The following MAST4 variants were observed in gnomAD, a reference collection of about 807,000 sequenced individuals.
MAST4 encodes the protein microtubule-associated serine/threonine-protein kinase 4.
A neutral mutation model predicts 162.7 loss-of-function variants in MAST4; 89 were observed. The observed-to-expected ratio is 0.55, with a 90% CI of 0.46 to 0.65. The LOEUF is 0.65. Ranked by LOEUF, MAST4 falls within the 30% of genes least tolerant of loss-of-function variation. The pLI is 0.00. For synonymous variants in MAST4, 1,479 were observed against 1,361.1 expected (o/e 1.09, Z -1.91); for missense variants, 3,153 against 3,374.0 (o/e 0.93, Z 1.62).
chr5:66,968,517 C>A (rs1747024871), intron 4 of MAST4, among the ~76,000 whole-genome samples: 1 of 152,140 alleles, frequency 6.6e-6, no homozygotes. Context: ...CAAGGACAAC[C>A]ATTTTTGTCT....
rs33962272 is a variant in MAST4 at position 66,684,357 on chromosome 5, A to ATACCAGGAGG, written c.364-75351_364-75350insACCAGGAGGT. 3.7e-3 allele frequency among the ~76,000 whole-genome samples: 564 copies of ATACCAGGAGG among 151,626 alleles called. 5 individuals are homozygous for ATACCAGGAGG. The highest frequency in any genetic ancestry group is 0.013 in the African/African-American group (536 of 41,418). The stretch of plus-strand genomic sequence containing the variant: ...ATGTAGTGCTTCTTTTCTTCCAGCT[A>ATACCAGGAGG]TTTTTTTTTCTCTTTTCTTTTTTAT... On this transcript the variant is annotated intron_variant, in intron 1 of 28. Coordinates refer to ENST00000403625, the MANE Select transcript of MAST4 (RefSeq NM_001164664.2).
At chr5:66,682,012 C>T (rs1019241362) in intron 1 of MAST4, among the ~76,000 whole-genome samples, 5 of 152,106 alleles carry the variant, frequency 3.3e-5, no homozygotes, top group Middle Eastern at 3.2e-3. Context: ...GACAGTCTAT[C>T]GTGTGTGTGT....
intron 1 of MAST4, among the ~76,000 whole-genome samples, chr5:66,685,818 C>A (rs1360223669): frequency 2.0e-5 from 3 of 152,020 alleles, no homozygotes; most frequent in Non-Finnish European, 4.4e-5. Flanking sequence ...GAGCAGTGGT[C>A]CCCAGTCTTT....
intron 1 of MAST4, among the ~76,000 whole-genome samples, chr5:66,614,277 C>T (rs563796543): frequency 3.3e-5 from 5 of 152,348 alleles, no homozygotes; most frequent in African/African-American, 1.2e-4. Flanking sequence ...CAAAGATTCT[C>T]TGTCTCAGTT....
intron 1 of MAST4, among the ~76,000 whole-genome samples, chr5:66,651,443 T>C (rs957817629): frequency 2.0e-5 from 3 of 152,128 alleles, no homozygotes; most frequent in African/African-American, 2.4e-5. Context: ...TTAAGTAGCA[T>C]TGATATCTTC....
chr5:66,699,044 A>C (rs552914829), intron 1 of MAST4, among the ~76,000 whole-genome samples: 53 of 152,308 alleles, frequency 3.5e-4, no homozygotes, highest in African/African-American at 1.2e-3. Context: ...TATTGATAGC[A>C]TCTCAGTACA....
At chr5:66,731,538 G>T (rs1190787155) in intron 1 of MAST4, among the ~76,000 whole-genome samples, 1 of 152,124 alleles carries the variant, frequency 6.6e-6, no homozygotes, top group East Asian at 1.9e-4. Flanking sequence ...ATTCTATTCA[G>T]CTTTTCTATG....
Position 66,714,954 on chromosome 5 carries a change from A to C in MAST4, c.364-44755A>C, listed in dbSNP as rs187033745. Among the ~76,000 whole-genome samples, 9 of 152,320 alleles carry C rather than the reference A, an allele frequency of 5.9e-5. No homozygotes were observed. In the East Asian group the frequency reaches 1.7e-3, roughly 29 times the overall value. On this transcript the variant is annotated intron_variant, in intron 1 of 28. Coordinates refer to ENST00000403625, the MANE Select transcript of MAST4 (RefSeq NM_001164664.2). ...TTGAATCTGTTTCCCCCACCTAAGG[A>C]CAGACCTCTGGCAGACTGGTCTTTG...
At chr5:66,627,936 C>G (rs1744544598) in intron 1 of MAST4, among the ~76,000 whole-genome samples, 1 of 152,080 alleles carries the variant, frequency 6.6e-6, no homozygotes, top group African/African-American at 2.4e-5. Flanking sequence ...GTTCTGCCCC[C>G]CACCCCACCC....
At chr5:66,731,994 C>G (rs1751885803) in intron 1 of MAST4, among the ~76,000 whole-genome samples, 2 of 151,878 alleles carry the variant, frequency 1.3e-5, no homozygotes. Context: ...AAGTATCTGC[C>G]CAAGTGTTCT....
rs554144523 is a variant in MAST4 at position 67,078,508 on chromosome 5, T to C, written c.764-11654T>C. ...GAAACGTTATATGAGGTGATGGCTA[T>C]GTTAATTAGCTTGATTGTGGTAATC... On this transcript the variant is annotated intron_variant, in intron 5 of 28. Transcript: ENST00000403625. Among the ~76,000 whole-genome samples the C allele has an allele frequency of 2.5e-4, 38 of 151,108 alleles. No individual in the cohort carries two copies. The South Asian group carries it at 7.5e-3, about 30-fold the overall frequency.
intron 4 of MAST4, among the ~76,000 whole-genome samples, chr5:66,953,333 G>A (rs1346487638): frequency 2.6e-5 from 4 of 152,104 alleles, no homozygotes; most frequent in South Asian, 2.1e-4. Context: ...AAACTCGTAC[G>A]TTTAAATCCT....
At position 67,083,548 on chromosome 5, in the gene MAST4, CCTT is replaced by C. The variant is rs778403787; in HGVS notation, c.764-6608_764-6606del. The stretch of plus-strand genomic sequence containing the variant: ...AAACCCATTTCCTGATAATATCCAC[CCTT>C]CTTCTAGGAAAAAGGGGGAATTCTT... On this transcript the variant is annotated intron_variant, in intron 5 of 28. Transcript: ENST00000403625. 1.2e-4 allele frequency among the ~76,000 whole-genome samples: 18 copies of C among 152,048 alleles called. No homozygotes were observed. The South Asian group carries it at 1.7e-3, about 14-fold the overall frequency.
At chr5:66,953,148 A>C (rs1744897922) in intron 4 of MAST4, among the ~76,000 whole-genome samples, 2 of 152,218 alleles carry the variant, frequency 1.3e-5, no homozygotes, top group African/African-American at 4.8e-5. Context: ...CTTCTTTGAA[A>C]GTTTTCCTCA....
chr5:66,905,580 T>C (rs1763304673), intron 4 of MAST4, among the ~76,000 whole-genome samples: 1 of 152,198 alleles, frequency 6.6e-6, no homozygotes, highest in Admixed American at 6.5e-5. Context: ...GGATTTACTC[T>C]TAGCTCAATA....
intron 2 of MAST4, among the ~76,000 whole-genome samples, chr5:66,762,620 T>A (rs1753904911): frequency 6.6e-6 from 1 of 152,226 alleles, no homozygotes; most frequent in Non-Finnish European, 1.5e-5. Flanking sequence ...TTCCACTAGT[T>A]TTAGGTAACC....
At chr5:66,859,508 C>G (rs910959235) in intron 3 of MAST4, among the ~76,000 whole-genome samples, 1 of 152,162 alleles carries the variant, frequency 6.6e-6, no homozygotes, top group Non-Finnish European at 1.5e-5. Flanking sequence ...AACCTGTTAC[C>G]TTTCCCATAA....
chr5:67,073,389 A>G (rs973132903), intron 5 of MAST4, among the ~76,000 whole-genome samples: 2 of 152,214 alleles, frequency 1.3e-5, no homozygotes, highest in Admixed American at 6.5e-5. Flanking sequence ...AACCTAGTCT[A>G]TATTCTAACT....
chr5:67,052,956 ACTGT>A (rs1758366048), intron 4 of MAST4, among the ~76,000 whole-genome samples: 2 of 152,190 alleles, frequency 1.3e-5, no homozygotes, highest in African/African-American at 4.8e-5. Context: ...AACCAATCAG[ACTGT>A]CTGATTTAAT....
Sources: allele counts gnomAD v4.1 joint callset (sites outside exome capture counted in the v4.1 genomes callset), GRCh38; gene constraint gnomAD v4.1.1; transcripts MANE v1.5; gene names NCBI Gene and HGNC (gene_info 2026-07-23, HGNC 2026-07-21).